WSB2: variants seen among roughly 807,000 people sequenced by gnomAD.
WSB2 encodes the protein WD repeat and SOCS box containing 2.
Under a neutral mutation model 48.8 loss-of-function variants are expected in WSB2, and 12 were observed. That is an observed-to-expected ratio of 0.25 (90% CI 0.16 to 0.40). WSB2 has a LOEUF of 0.40. Ranked by LOEUF, WSB2 falls within the 10% of genes least tolerant of loss-of-function variation. The pLI, the probability that WSB2 is intolerant of heterozygous loss-of-function variation, is 1.00. For synonymous variants in WSB2, 191 were observed against 203.1 expected (o/e 0.94, Z 0.51); for missense variants, 317 against 506.2 (o/e 0.63, Z 3.59).
intron 1 of WSB2, among the ~76,000 whole-genome samples, chr12:118,057,236 C>A (rs2137800350): frequency 6.6e-6 from 1 of 152,116 alleles, no homozygotes; most frequent in Non-Finnish European, 1.5e-5. Flanking sequence ...ACTTGTAGAT[C>A]CTTCTTGGTG....
At position 118,052,473 on chromosome 12, in the gene WSB2, G is replaced by C; in HGVS notation, c.19C>G (p.Pro7Ala). The change falls in exon 2 of 9, where the codon CCG becomes GCG. Residue 7 changes from proline to alanine, a missense_variant. This residue lies in a region of WSB2 where 128 missense variants were observed against 156.7 expected (regional missense o/e 0.82). Transcript: ENST00000315436. ...GGCTTGAGTTCGGCCAGCAGCAGCG[G>C]TTCCTCTGGGGCAGGAGACAACATG... is the stretch of plus-strand genomic sequence containing the variant. MEAGEE[P>A]LLLAELKPGR... 1.9e-6 allele frequency: 3 copies of C among 1,613,986 alleles called. No homozygotes were observed. The highest frequency in any genetic ancestry group is 2.5e-6 in the Non-Finnish European group (3 of 1,180,020).
At position 118,058,653 on chromosome 12, in the gene WSB2, T is replaced by G. The variant is rs144429637; in HGVS notation, c.13+2383A>C. On this transcript the variant is annotated intron_variant, in intron 1 of 8. Coordinates refer to ENST00000315436, the MANE Select transcript of WSB2 (RefSeq NM_018639.5). ...GCGCCTGGCACCATTCACTTTCCTT[T>G]AACCATTTGATTTTCTTTATAACCA... is the stretch of plus-strand genomic sequence containing the variant. Among the ~76,000 whole-genome samples the G allele has an allele frequency of 9.2e-5, 14 of 152,052 alleles. No individual in the cohort carries two copies. The East Asian group carries it at 2.7e-3, about 29-fold the overall frequency.
At chr12:118,055,972 C>T (rs970298116) in intron 1 of WSB2, among the ~76,000 whole-genome samples, 2 of 151,450 alleles carry the variant, frequency 1.3e-5, no homozygotes, top group African/African-American at 4.9e-5. Context: ...AGTCTGTTTA[C>T]AAAAGACTTG....
In WSB2 at chr12:118,033,640, C is replaced by T. The variant is rs547192171; in HGVS notation, c.*556G>A. ...TAATTTAGTTAAGCTAAATTAATAC[C>T]TCATACCAAATGGCTCCAGGAAAAC... On this transcript the variant is annotated 3_prime_UTR_variant, in exon 9 of 9. Coordinates refer to ENST00000315436, the MANE Select transcript of WSB2 (RefSeq NM_018639.5). The T allele has an allele frequency of 1.3e-5, 2 of 151,970 alleles. No individual in the cohort carries two copies. The highest frequency in any genetic ancestry group is 6.5e-5 in the Admixed American group (1 of 15,278). The allele number at this position is 151,970 out of a possible 1,614,324, so 9.4% of individuals were successfully genotyped here.
intron 5 of WSB2, 57 bp downstream of exon 5, chr12:118,038,231 C>A: frequency 6.6e-7 from 1 of 1,526,432 alleles, no homozygotes; most frequent in Non-Finnish European, 8.9e-7. Flanking sequence ...ACACACCAGG[C>A]CACCACTTCA....
At chr12:118,061,262 A>C, upstream of WSB2, 13 of 781,296 alleles carry the variant, frequency 1.7e-5, no homozygotes, top group Non-Finnish European at 1.9e-5. Flanking sequence ...GACGGGATAA[A>C]AACGGTGGGG....
intron 4 of WSB2, among the ~76,000 whole-genome samples, chr12:118,039,503 A>G (rs1014939477): frequency 2.0e-5 from 3 of 152,208 alleles, no homozygotes; most frequent in Admixed American, 6.5e-5. Context: ...GTGTGTGCAC[A>G]GGATTATACA....
In WSB2 at chr12:118,037,678, AAAAAG is replaced by A. The variant is rs1162965546; in HGVS notation, c.660+605_660+609del. On this transcript the variant is annotated intron_variant, in intron 5 of 8. Coordinates refer to ENST00000315436, the MANE Select transcript of WSB2 (RefSeq NM_018639.5). ...AGCGAAACTCTGTCTAAAAAAAAAA[AAAAAG>A]AAAAGAAAAGAAAAGAAAACCCTCC... Among the ~76,000 whole-genome samples, 713 of 151,434 alleles carry A rather than the reference AAAAAG, an allele frequency of 4.7e-3. 3 individuals are homozygous for A. Among genetic ancestry groups the A allele is most frequent in the African/African-American group, 9.4e-3 (388 of 41,060 alleles).
At chr12:118,047,299 T>A (rs1025942610) in intron 2 of WSB2, among the ~76,000 whole-genome samples, 1 of 152,078 alleles carries the variant, frequency 6.6e-6, no homozygotes, top group Non-Finnish European at 1.5e-5. Flanking sequence ...ATACTTTGAG[T>A]TTGCTAATGA....
At chr12:118,059,269 ATGT>A (rs1261041177) in intron 1 of WSB2, among the ~76,000 whole-genome samples, 3 of 152,204 alleles carry the variant, frequency 2.0e-5, no homozygotes, top group Non-Finnish European at 4.4e-5. Flanking sequence ...TATTTTAGAC[ATGT>A]TGTATTGAAA....
chr12:118,047,896 A>G (rs988206213), intron 2 of WSB2, among the ~76,000 whole-genome samples: 1 of 152,146 alleles, frequency 6.6e-6, no homozygotes, highest in Admixed American at 6.6e-5. Flanking sequence ...AACAAATCTG[A>G]TATCATACTG....
At chr12:118,055,631 T>TTG in intron 1 of WSB2, among the ~76,000 whole-genome samples, 1 of 138,020 alleles carries the variant, frequency 7.2e-6, no homozygotes, top group East Asian at 2.1e-4. Flanking sequence ...TTTTTTTTTT[T>TTG]TGAGATGGAG....
At chr12:118,056,592 C>G (rs2031961277) in intron 1 of WSB2, among the ~76,000 whole-genome samples, 1 of 152,104 alleles carries the variant, frequency 6.6e-6, no homozygotes, top group African/African-American at 2.4e-5. Context: ...TGGTATAACT[C>G]TTTAAACAAA....
chr12:118,036,536 T>C, intron 5 of WSB2, 26 bp from the exon 6 acceptor site: 1 of 1,596,162 alleles, frequency 6.3e-7, no homozygotes, highest in Non-Finnish European at 8.6e-7. Flanking sequence ...AGTGCCTGGT[T>C]AGGGCAGAAG....
At position 118,033,613 on chromosome 12, in the gene WSB2, T is replaced by G. The variant is rs1471366116; in HGVS notation, c.*583A>C. Reference sequence around the variant, plus strand: ...TCAGGAGCACGGCCTCTGAGTCCCCTGTAATTTAGTTAAGCTAAATTAATA... The same window carrying G: ...TCAGGAGCACGGCCTCTGAGTCCCCGGTAATTTAGTTAAGCTAAATTAATA... On this transcript the variant is annotated 3_prime_UTR_variant, in exon 9 of 9. Coordinates refer to ENST00000315436, the MANE Select transcript of WSB2 (RefSeq NM_018639.5). 6.6e-6 allele frequency: 1 copy of G among 150,842 alleles called. No individual in the cohort carries two copies. The highest frequency in any genetic ancestry group is 6.6e-5 in the Admixed American group (1 of 15,176). 9.3% of individuals were successfully genotyped at this position (150,842 alleles called of 1,614,324 possible).
At position 118,061,137 on chromosome 12, in the gene WSB2, CG is replaced by C; in HGVS notation, c.-90del. The C allele has an allele frequency of 1.0e-6, 1 of 981,564 alleles. No individual in the cohort carries two copies. Among genetic ancestry groups the C allele is most frequent in the Non-Finnish European group, 1.2e-6 (1 of 828,378 alleles). 60.8% of individuals were successfully genotyped at this position (981,564 alleles called of 1,614,324 possible). A position where few individuals can be genotyped will look rare whatever the true frequency, so the allele number is the denominator to read the frequency against. On this transcript the variant is annotated 5_prime_UTR_variant, in exon 1 of 9. The change abolishes the stop of an existing upstream ORF in the 5' untranslated region. Transcript: ENST00000315436. ...CATGCCGCCCCCGCGCCGCCCGCCC[CG>C]GCCAGGCCGCCGCCGCCGCCCGGAG...
At position 118,033,163 on chromosome 12, in the gene WSB2, A is replaced by G. The variant is rs1366985212; in HGVS notation, c.*1033T>C. The G allele has an allele frequency of 2.0e-5, 3 of 152,200 alleles. No individual in the cohort carries two copies. Among genetic ancestry groups the G allele is most frequent in the African/African-American group, 7.2e-5 (3 of 41,462 alleles). 9.4% of individuals were successfully genotyped at this position (152,200 alleles called of 1,614,324 possible). A position where few individuals can be genotyped will look rare whatever the true frequency, so the allele number is the denominator to read the frequency against. On this transcript the variant is annotated 3_prime_UTR_variant, in exon 9 of 9. Coordinates refer to ENST00000315436, the MANE Select transcript of WSB2 (RefSeq NM_018639.5). ...TTGAATGAGGTGTCTTGATTAGATAACTACATGCCACTGAAGGAGAACAGT... is the reference window on the plus strand; with the variant it reads ...TTGAATGAGGTGTCTTGATTAGATAGCTACATGCCACTGAAGGAGAACAGT...
intron 2 of WSB2, among the ~76,000 whole-genome samples, chr12:118,044,427 G>A (rs887513590): frequency 8.5e-5 from 13 of 152,130 alleles, no homozygotes; most frequent in African/African-American, 3.1e-4. Flanking sequence ...CCAAGGAGTT[G>A]GAAAATAAAC....
At chr12:118,052,076 G>A (rs1714715754) in intron 2 of WSB2, among the ~76,000 whole-genome samples, 1 of 152,156 alleles carries the variant, frequency 6.6e-6, no homozygotes, top group Admixed American at 6.6e-5. Context: ...AAACTGTGTG[G>A]TATATAAATT....
Sources: allele counts gnomAD v4.1 joint callset (sites outside exome capture counted in the v4.1 genomes callset), GRCh38; gene constraint gnomAD v4.1.1; regional missense constraint gnomAD v4.1.1; transcripts MANE v1.5; gene names NCBI Gene and HGNC (gene_info 2026-07-23, HGNC 2026-07-21).